The following ARMC2 variants were observed in gnomAD, a reference collection of about 807,000 sequenced individuals.
The protein encoded by ARMC2 is armadillo repeat-containing protein 2.
Under a neutral mutation model 90.3 loss-of-function variants are expected in ARMC2, and 67 were observed. That is an observed-to-expected ratio of 0.74 (90% CI 0.61 to 0.91). ARMC2 has a LOEUF of 0.91. Among genes scored for constraint, ARMC2 ranks in the 40% least tolerant of loss-of-function variants. The pLI, the probability that ARMC2 is intolerant of heterozygous loss-of-function variation, is 0.00. For synonymous variants in ARMC2, 393 were observed against 393.0 expected, an observed-to-expected ratio of 1.00 and a Z score of 0.00; for missense variants, 920 against 1,030.9, an observed-to-expected ratio of 0.89 and a Z score of 1.47.
the ARMC2 span, among the ~76,000 whole-genome samples, chr6:109,018,420 G>T: frequency 4.1e-4 from 62 of 152,280 alleles, no homozygotes; most frequent in African/African-American, 1.3e-3. Flanking sequence ...AAATTAATGC[G>T]TGTCTACATC....
intron 12 of ARMC2, among the ~76,000 whole-genome samples, chr6:108,938,195 T>C (rs1341704802): frequency 1.3e-5 from 2 of 152,204 alleles, no homozygotes; most frequent in Non-Finnish European, 2.9e-5. Context: ...CCAAATAATT[T>C]ATGTATATAC....
At chr6:108,977,311 C>T (rs1286534461), downstream of ARMC2, among the ~76,000 whole-genome samples, 2 of 152,080 alleles carry the variant, frequency 1.3e-5, no homozygotes, top group African/African-American at 4.8e-5. Flanking sequence ...TATTGATTTG[C>T]GTATGTTGAA....
At chr6:108,899,113 A>G (rs1771882524) in intron 6 of ARMC2, among the ~76,000 whole-genome samples, 1 of 152,202 alleles carries the variant, frequency 6.6e-6, no homozygotes, top group Non-Finnish European at 1.5e-5. Context: ...AGGAAGGATA[A>G]GAAACTGGAC....
At chr6:108,922,038 G>C (rs1224865018) in intron 10 of ARMC2, among the ~76,000 whole-genome samples, 1 of 152,214 alleles carries the variant, frequency 6.6e-6, no homozygotes, top group Non-Finnish European at 1.5e-5. Flanking sequence ...CTGATGGCAG[G>C]TTGCCTTCTA....
chr6:108,942,590 A>G (rs1776530741), intron 12 of ARMC2, among the ~76,000 whole-genome samples: 1 of 152,034 alleles, frequency 6.6e-6, no homozygotes, highest in Non-Finnish European at 1.5e-5. Context: ...AAACAGAATT[A>G]TTACTTCCTA....
intron 12 of ARMC2, among the ~76,000 whole-genome samples, chr6:108,948,952 G>A (rs1350486038): frequency 1.3e-5 from 2 of 152,080 alleles, no homozygotes; most frequent in African/African-American, 4.8e-5. Context: ...GGACAGGGCT[G>A]GAGAAGCCTA....
chr6:108,989,424 G>T, the ARMC2 span, among the ~76,000 whole-genome samples: 9 of 149,516 alleles, frequency 6.0e-5, no homozygotes, highest in African/African-American at 2.2e-4. Flanking sequence ...TAGATCTAGA[G>T]ATATATATCT....
chr6:108,880,779 C>T (rs1777453824), intron 5 of ARMC2, among the ~76,000 whole-genome samples: 4 of 145,320 alleles, frequency 2.8e-5, no homozygotes, highest in African/African-American at 1.0e-4. Context: ...CCTTCCCTCT[C>T]CTTCCTTCCT....
At chr6:108,958,643 C>A (rs1777767305) in intron 13 of ARMC2, among the ~76,000 whole-genome samples, 1 of 152,170 alleles carries the variant, frequency 6.6e-6, no homozygotes. Flanking sequence ...CAGTCTGGGG[C>A]TGGAGGAAAC....
rs927150005 is a variant in ARMC2, at chr6:108,859,093, T to G, written c.291+822T>G. Among the ~76,000 whole-genome samples, 21 of 152,376 alleles carry G rather than the reference T, an allele frequency of 1.4e-4. No homozygotes were observed. The South Asian group carries it at 1.4e-3, about 11-fold the overall frequency. On this transcript the variant is annotated intron_variant, in intron 3 of 17. Transcript: ENST00000392644. ...TAAATTCTCCTTTCCTGTACCACTT[T>G]TTGTTTTCCCTGGCATTAATAATTG...
chr6:108,980,008 A>G, the ARMC2 span, among the ~76,000 whole-genome samples: 3,527 of 152,054 alleles, frequency 0.023, 139 homozygotes, highest in African/African-American at 0.08. Context: ...TGTCAAACTC[A>G]TTCTCCGTCC....
At chr6:109,009,475 G>A in the ARMC2 span, 67 of 1,252,202 alleles carry the variant, frequency 5.4e-5, no homozygotes, top group East Asian at 1.3e-4. Flanking sequence ...GCGCGGGGAC[G>A]GCTGCGGACG....
intron 2 of ARMC2, among the ~76,000 whole-genome samples, chr6:108,855,496 C>G (rs562697465): frequency 6.6e-6 from 1 of 152,188 alleles, no homozygotes; most frequent in East Asian, 1.9e-4. Flanking sequence ...CATGATCCAC[C>G]CGCCTCTGCC....
intron 7 of ARMC2, among the ~76,000 whole-genome samples, chr6:108,902,465 A>T (rs1191698622): frequency 6.6e-6 from 1 of 152,210 alleles, no homozygotes; most frequent in Non-Finnish European, 1.5e-5. Flanking sequence ...AGGGTTTGTA[A>T]AGAAACTGCC....
At chr6:109,013,621 C>T in the ARMC2 span, among the ~76,000 whole-genome samples, 1 of 152,186 alleles carries the variant, frequency 6.6e-6, no homozygotes, top group Non-Finnish European at 1.5e-5. Context: ...AAACCCTGTA[C>T]TATAGATTTG....
At chr6:108,967,472 C>T (rs1280478442) in intron 17 of ARMC2, among the ~76,000 whole-genome samples, 1 of 152,150 alleles carries the variant, frequency 6.6e-6, no homozygotes, top group Non-Finnish European at 1.5e-5. Context: ...CTGGAAGGCA[C>T]TTCATTTTAG....
chr6:108,992,910 A>T, the ARMC2 span: 2 of 1,564,210 alleles, frequency 1.3e-6, no homozygotes, highest in Non-Finnish European at 1.8e-6. Context: ...CTGGGAAAAA[A>T]GGCCATTGAA....
chr6:108,964,105 A>G, intron 15 of ARMC2, 75 bp from the exon 16 acceptor site: 1 of 1,535,394 alleles, frequency 6.5e-7, no homozygotes, highest in Non-Finnish European at 8.8e-7. Flanking sequence ...CCGTTTCCCC[A>G]TACCATCTGT....
At chr6:108,904,426 G>T (rs765053879) in intron 8 of ARMC2, 21 bp downstream of exon 8, 1 of 1,581,468 alleles carries the variant, frequency 6.3e-7, no homozygotes, top group South Asian at 1.2e-5. Context: ...CTTTCCTCTG[G>T]TCTAGTAGAC....
Sources: gnomAD v4.1 joint callset for allele counts (sites outside exome capture counted in the v4.1 genomes callset) on GRCh38, gnomAD v4.1.1 for gene constraint, MANE v1.5 for transcripts, NCBI Gene and HGNC (gene_info 2026-07-23, HGNC 2026-07-21) for gene names.